Variants in POMGNT2 observed in about 807,000 individuals in gnomAD.
POMGNT2 encodes protein O-linked mannose N-acetylglucosaminyltransferase 2 (beta 1,4-), also known as protein O-linked-mannose beta-1,4-N-acetylglucosaminyltransferase 2.
A neutral mutation model predicts 37.8 loss-of-function variants in POMGNT2; 32 were observed. The ratio of observed to expected loss-of-function variants is 0.85; its 90% CI spans 0.64 to 1.14. The LOEUF (loss-of-function observed/expected upper bound fraction) is 1.14, where lower values mean the gene tolerates loss of function less well. Ranked by LOEUF, POMGNT2 falls within the 50% of genes most tolerant of loss-of-function variation. The pLI, the probability that POMGNT2 is intolerant of heterozygous loss-of-function variation, is 0.00. For synonymous variants in POMGNT2, 340 were observed against 336.8 expected (o/e 1.01, Z -0.10); for missense variants, 705 against 780.6 (o/e 0.90, Z 1.15).
rs1452793248 is a variant in POMGNT2 at position 43,106,041 on chromosome 3, G to T, written c.-311C>A. 1 of 151,638 alleles carries T rather than the reference G, an allele frequency of 6.6e-6. No individual in the cohort carries two copies. The highest frequency in any genetic ancestry group is 2.1e-4 in the South Asian group (1 of 4,818). 9.4% of individuals were successfully genotyped at this position (151,638 alleles called of 1,614,324 possible). A position where few individuals can be genotyped will look rare whatever the true frequency, so the allele number is the denominator to read the frequency against. On this transcript the variant is annotated 5_prime_UTR_variant, in exon 1 of 2. Transcript: ENST00000344697. ...CTCCAGGCTCGCAGGTGTCCGCCGT[G>T]CGCCTGCCCGGCGGGCGAGCCCGGC...
At position 43,080,473 on chromosome 3, in the gene POMGNT2, G is replaced by A; in HGVS notation, c.959C>T (p.Thr320Ile). ...LAQEFQMKTVTVSLEDHTFAD... is the reference protein window; with the variant it reads ...LAQEFQMKTVIVSLEDHTFAD... ...AAAGGTGTGGTCCTCCAGGGACACTGTCACTGTCTTCATCTGGAACTCCTG... is the reference window on the plus strand; with the variant it reads ...AAAGGTGTGGTCCTCCAGGGACACTATCACTGTCTTCATCTGGAACTCCTG... Residue 320 changes from threonine (T) to isoleucine (I), a missense_variant, in exon 2 of 2, where the codon ACA (threonine) becomes ATA (isoleucine). Coordinates refer to ENST00000344697, the MANE Select transcript of POMGNT2 (RefSeq NM_032806.6). 6.2e-7 allele frequency: 1 copy of A among 1,614,170 alleles called. No individual in the cohort carries two copies. Among genetic ancestry groups the A allele is most frequent in the Non-Finnish European group, 8.5e-7 (1 of 1,180,032 alleles).
chr3:43,088,382 C>T (rs1054329691), intron 1 of POMGNT2, among the ~76,000 whole-genome samples: 4 of 152,200 alleles, frequency 2.6e-5, no homozygotes, highest in African/African-American at 9.6e-5. Flanking sequence ...CCTGGTCAGT[C>T]GCCAACCCTC....
At position 43,084,373 on chromosome 3, in the gene POMGNT2, C is replaced by T. The variant is rs1376271515; in HGVS notation, c.-105-2837G>A. On this transcript the variant is annotated intron_variant, in intron 1 of 1. Coordinates refer to ENST00000344697, the MANE Select transcript of POMGNT2 (RefSeq NM_032806.6). ...AAAAAAAAATTGTATTGGCCAGGGG[C>T]GGTGGTTCACACCTGTAATCCCAGC... 3.9e-5 allele frequency among the ~76,000 whole-genome samples: 6 copies of T among 152,126 alleles called. No individual in the cohort carries two copies. In the East Asian group the frequency reaches 9.6e-4, roughly 24 times the overall value.
At chr3:43,101,207 G>C (rs1458769076) in intron 1 of POMGNT2, among the ~76,000 whole-genome samples, 1 of 152,196 alleles carries the variant, frequency 6.6e-6, no homozygotes, top group African/African-American at 2.4e-5. Context: ...TTCCCATTCT[G>C]TCCTGCCCAG....
intron 1 of POMGNT2, among the ~76,000 whole-genome samples, chr3:43,103,741 T>C (rs1428275970): frequency 6.6e-6 from 1 of 152,104 alleles, no homozygotes; most frequent in Non-Finnish European, 1.5e-5. Flanking sequence ...AGAAGGAGAA[T>C]TACATGGCAC....
chr3:43,084,992 GA>G (rs1024650459), intron 1 of POMGNT2, among the ~76,000 whole-genome samples: 1 of 150,240 alleles, frequency 6.7e-6, no homozygotes, highest in African/African-American at 2.4e-5. Flanking sequence ...ACTGGTGGGG[GA>G]AAGGAGAGCA....
In POMGNT2 at chr3:43,081,926, G is replaced by A. The variant is rs545275793; in HGVS notation, c.-105-390C>T. 1.3e-3 allele frequency among the ~76,000 whole-genome samples: 191 copies of A among 152,364 alleles called. 1 individual carries two copies. The highest frequency in any genetic ancestry group is 2.2e-3 in the Non-Finnish European group (148 of 68,036). On this transcript the variant is annotated intron_variant, in intron 1 of 1. Coordinates refer to ENST00000344697, the MANE Select transcript of POMGNT2 (RefSeq NM_032806.6). ...GCTGGCCCCAAGAGGAGCGAGATAC[G>A]CATGAAGCAGAACTGCTCCGGCCAT...
At chr3:43,088,986 C>T (rs1406004103) in intron 1 of POMGNT2, among the ~76,000 whole-genome samples, 1 of 152,234 alleles carries the variant, frequency 6.6e-6, no homozygotes, top group African/African-American at 2.4e-5. Flanking sequence ...CTGGCTGCAT[C>T]TCCTGTTTCT....
chr3:43,097,377 T>C (rs1394271179), intron 1 of POMGNT2, among the ~76,000 whole-genome samples: 1 of 152,026 alleles, frequency 6.6e-6, no homozygotes, highest in Non-Finnish European at 1.5e-5. Flanking sequence ...CCAGACTGAG[T>C]GCCTTAAATG....
chr3:43,081,081 G>A lies in POMGNT2; in HGVS notation c.351C>T (p.Leu117=), dbSNP rs1161648391. The change falls in exon 2 of 2, where the codon CTC becomes CTT. Residue 117 remains leucine (L), a synonymous_variant. Coordinates refer to ENST00000344697, the MANE Select transcript of POMGNT2 (RefSeq NM_032806.6). ...TGTGGTCCTCCACGGTGGATAGGTC[G>A]AGCAGGGCTGGCTGGAAGCGCCGGG... The part of the protein sequence containing the change: ...LGSRRFQPAL[L]DLSTVEDHNT... 8.7e-6 allele frequency: 14 copies of A among 1,614,100 alleles called. 1 individual carries two copies. The highest frequency in any genetic ancestry group is 4.5e-5 in the East Asian group (2 of 44,884).
chr3:43,088,982 G>C (rs138765679), intron 1 of POMGNT2, among the ~76,000 whole-genome samples: 4 of 152,316 alleles, frequency 2.6e-5, no homozygotes, highest in African/African-American at 9.6e-5. Flanking sequence ...GGGTCTGGCT[G>C]CATCTCCTGT....
Position 43,080,107 on chromosome 3 carries a change from C to T in POMGNT2, c.1325G>A (p.Trp442Ter). The part of the protein sequence containing the change: ...PRHLCCRNPE[W>*]LFRIYQDTKV... ...GGTGTCCTGGTAGATTCGGAAGAGCCACTCGGGGTTCCGGCAACAGAGATG... is the reference window on the plus strand; with the variant it reads ...GGTGTCCTGGTAGATTCGGAAGAGCTACTCGGGGTTCCGGCAACAGAGATG... Residue 442 changes from tryptophan (W) to a stop codon, truncating the protein, a stop_gained, in exon 2 of 2, where the codon TGG becomes TAG. Coordinates refer to ENST00000344697, the MANE Select transcript of POMGNT2 (RefSeq NM_032806.6). LOFTEE classifies it high-confidence loss of function. 6.2e-7 allele frequency: 1 copy of T among 1,613,886 alleles called. No individual in the cohort carries two copies. The highest frequency in any genetic ancestry group is 1.1e-5 in the South Asian group (1 of 91,082).
chr3:43,104,739 GT>G (rs1428643031), intron 1 of POMGNT2, among the ~76,000 whole-genome samples: 1 of 152,148 alleles, frequency 6.6e-6, no homozygotes, highest in African/African-American at 2.4e-5. Flanking sequence ...ACTTTCTGTC[GT>G]TAGTCACCAC....
intron 1 of POMGNT2, among the ~76,000 whole-genome samples, chr3:43,089,297 T>C (rs1433887616): frequency 2.0e-5 from 3 of 152,136 alleles, no homozygotes; most frequent in African/African-American, 4.8e-5. Flanking sequence ...TTCCTGGAGC[T>C]TTCAGAGGGA....
chr3:43,103,745 A>G (rs1367804043), intron 1 of POMGNT2, among the ~76,000 whole-genome samples: 1 of 152,128 alleles, frequency 6.6e-6, no homozygotes, highest in African/African-American at 2.4e-5. Flanking sequence ...GGAGAATTAC[A>G]TGGCACCAGT....
At chr3:43,093,656 T>C (rs2089959965) in intron 1 of POMGNT2, among the ~76,000 whole-genome samples, 1 of 152,304 alleles carries the variant, frequency 6.6e-6, no homozygotes, top group African/African-American at 2.4e-5. Context: ...CACCGCTGTC[T>C]GATGAATACC....
chr3:43,098,049 C>T lies in POMGNT2; in HGVS notation c.-106+7787G>A, dbSNP rs62247995. On this transcript the variant is annotated intron_variant, in intron 1 of 1. Coordinates refer to ENST00000344697, the MANE Select transcript of POMGNT2 (RefSeq NM_032806.6). This position sits in a 1 kb window ranked among gnomAD's most constrained non-coding sequence, Gnocchi z 4.3. The stretch of plus-strand genomic sequence containing the variant: ...ACCAGACAGCCAGCACCTGCCAGAC[C>T]CAGGCTGCAGAAGATCAGGCAGGGC... 0.11 allele frequency among the ~76,000 whole-genome samples: 16,821 copies of T among 152,280 alleles called. 1,184 individuals carry two copies. The highest frequency in any genetic ancestry group is 0.15 in the Non-Finnish European group (10,260 of 68,020).
chr3:43,101,662 C>T (rs2090019930), intron 1 of POMGNT2, among the ~76,000 whole-genome samples: 2 of 152,176 alleles, frequency 1.3e-5, no homozygotes, highest in South Asian at 4.1e-4. Flanking sequence ...GTTCTTCTAA[C>T]ATTTCACAAT....
At position 43,079,953 on chromosome 3, in the gene POMGNT2, T is replaced by A; in HGVS notation, c.1479A>T (p.Ser493=). 3 of 1,614,000 alleles carry A rather than the reference T, an allele frequency of 1.9e-6. No homozygotes were observed. The highest frequency in any genetic ancestry group is 2.5e-6 in the Non-Finnish European group (3 of 1,180,040). ...GKVREARCQA[S]VHGASEARLT... ...GGCGGGCCTCGGAGGCGCCATGCAC[T>A]GACGCCTGGCACCGTGCCTCCCGCA... Residue 493 remains serine, a synonymous_variant, in exon 2 of 2, where the codon TCA becomes TCT. Transcript: ENST00000344697.
Sources: gnomAD v4.1 joint callset for allele counts (sites outside exome capture counted in the v4.1 genomes callset) on GRCh38, gnomAD v4.1.1 for gene constraint, Gnocchi (gnomAD v3.1) non-coding constraint, MANE v1.5 for transcripts, NCBI Gene and HGNC (gene_info 2026-07-23, HGNC 2026-07-21) for gene names.